The following GPC5 variants were observed in gnomAD, a reference collection of about 807,000 sequenced individuals.
The protein encoded by GPC5 is glypican 5.
In GPC5, 47 loss-of-function variants were observed where a neutral mutation model predicts 53.9. The ratio of observed to expected loss-of-function variants is 0.87; its 90% confidence interval spans 0.69 to 1.11. GPC5 has a LOEUF of 1.11. GPC5 is among the 50% of genes most tolerant of loss of function. GPC5 has a pLI of 0.00. For synonymous variants in GPC5, 286 were observed against 263.3 expected (o/e 1.09, Z -0.84); for missense variants, 748 against 713.1 (o/e 1.05, Z -0.56).
At chr13:91,621,124 A>T (rs1481664465) in intron 2 of GPC5, among the ~76,000 whole-genome samples, 1 of 152,126 alleles carries the variant, frequency 6.6e-6, no homozygotes, top group East Asian at 1.9e-4. Context: ...ATTATGTTTC[A>T]CTAGTTTACT....
intron 7 of GPC5, among the ~76,000 whole-genome samples, chr13:92,663,593 ATC>A (rs562075954): frequency 1.1e-4 from 9 of 85,398 alleles, no homozygotes; most frequent in African/African-American, 1.7e-4. Context: ...ATATATATAT[ATC>A]TACTATATAT....
chr13:92,167,001 C>T (rs1395598938), intron 7 of GPC5, among the ~76,000 whole-genome samples: 1 of 151,184 alleles, frequency 6.6e-6, no homozygotes, highest in Non-Finnish European at 1.5e-5. Flanking sequence ...CACACATATA[C>T]ACACGCCCTA....
Position 91,398,647 on chromosome 13 carries a change from G to A in GPC5, c.-400G>A, listed in dbSNP as rs931482422. The A allele has an allele frequency of 3.7e-5, 7 of 190,574 alleles. No individual in the cohort carries two copies. Among genetic ancestry groups the A allele is most frequent in the Non-Finnish European group, 7.1e-5 (7 of 98,848 alleles). The allele number at this position is 190,574 out of a possible 1,614,324, so 11.8% of individuals were successfully genotyped here. ...TCCCAGGTTAGCTGCTGCGAGCCGA[G>A]CCGGGCGGCGGAGGCGGCGGCGGCG... On this transcript the variant is annotated 5_prime_UTR_variant, in exon 1 of 8. Coordinates refer to ENST00000377067, the MANE Select transcript of GPC5 (RefSeq NM_004466.6).
chr13:91,936,035 C>T (rs1020578219), intron 6 of GPC5, among the ~76,000 whole-genome samples: 1 of 151,968 alleles, frequency 6.6e-6, no homozygotes, highest in African/African-American at 2.4e-5. Flanking sequence ...TCCCTGTTTC[C>T]CACTCCTATC....
At chr13:92,674,348 T>G (rs1886857612) in intron 7 of GPC5, among the ~76,000 whole-genome samples, 1 of 152,178 alleles carries the variant, frequency 6.6e-6, no homozygotes, top group Non-Finnish European at 1.5e-5. Context: ...CTCTGGTGTT[T>G]CAAGTGTGCT....
At chr13:91,801,482 T>C (rs1376231099) in intron 5 of GPC5, among the ~76,000 whole-genome samples, 1 of 152,190 alleles carries the variant, frequency 6.6e-6, no homozygotes, top group Non-Finnish European at 1.5e-5. Flanking sequence ...TGTTCCCCTG[T>C]GAAAAAATTT....
chr13:92,840,637 A>T (rs779337535), intron 7 of GPC5, among the ~76,000 whole-genome samples: 1 of 152,124 alleles, frequency 6.6e-6, no homozygotes, highest in Non-Finnish European at 1.5e-5. Flanking sequence ...TTTCTGTAAA[A>T]AAATGCCATC....
chr13:92,000,094 T>C (rs2040540982), intron 6 of GPC5, among the ~76,000 whole-genome samples: 1 of 152,160 alleles, frequency 6.6e-6, no homozygotes, highest in African/African-American at 2.4e-5. Context: ...ATAAAAATTG[T>C]AAAGGTAATA....
chr13:91,491,834 T>A (rs1883956435), intron 2 of GPC5, among the ~76,000 whole-genome samples: 1 of 152,192 alleles, frequency 6.6e-6, no homozygotes, highest in South Asian at 2.1e-4. Flanking sequence ...TCCAGGATGT[T>A]CTTATTTCAG....
chr13:92,612,910 A>C (rs1884487904), intron 7 of GPC5, among the ~76,000 whole-genome samples: 1 of 152,058 alleles, frequency 6.6e-6, no homozygotes, highest in Non-Finnish European at 1.5e-5. Flanking sequence ...AACAAATGAC[A>C]TTTATTTTTC....
At position 91,476,612 on chromosome 13, in the gene GPC5, A is replaced by T. The variant is rs530704746; in HGVS notation, c.325+27690A>T. Among the ~76,000 whole-genome samples the T allele has an allele frequency of 2.0e-5, 3 of 152,338 alleles. No homozygotes were observed. In the South Asian group the frequency reaches 6.2e-4, roughly 32 times the overall value. On this transcript the variant is annotated intron_variant, in intron 2 of 7. Transcript: ENST00000377067. ...TCAATAGTGATGCAGAAAAGGCAGT[A>T]ACAATTTGCAGACAATAAGGTCCGT...
At chr13:91,784,251 C>CT (rs1189120832) in intron 5 of GPC5, among the ~76,000 whole-genome samples, 1 of 151,956 alleles carries the variant, frequency 6.6e-6, no homozygotes, top group Non-Finnish European at 1.5e-5. Context: ...TTGAGATTGT[C>CT]TTTTTTTAAG....
intron 2 of GPC5, among the ~76,000 whole-genome samples, chr13:91,680,914 T>A (rs887400655): frequency 1.3e-5 from 2 of 152,174 alleles, no homozygotes; most frequent in African/African-American, 4.8e-5. Flanking sequence ...TCCAGTTCTG[T>A]TTTTTACAAA....
At chr13:92,018,202 T>C (rs1490696443) in intron 6 of GPC5, among the ~76,000 whole-genome samples, 1 of 152,180 alleles carries the variant, frequency 6.6e-6, no homozygotes, top group Non-Finnish European at 1.5e-5. Context: ...GCATTTATTT[T>C]TTACAATAAG....
intron 7 of GPC5, among the ~76,000 whole-genome samples, chr13:92,805,736 C>G (rs981192551): frequency 3.3e-5 from 5 of 151,970 alleles, no homozygotes; most frequent in Admixed American, 3.3e-4. Context: ...CTGTGCCCAT[C>G]CAGGATCTTT....
chr13:92,523,509 C>T (rs1285568065), intron 7 of GPC5, among the ~76,000 whole-genome samples: 1 of 152,020 alleles, frequency 6.6e-6, no homozygotes, highest in South Asian at 2.1e-4. Context: ...TTTGTAAATA[C>T]ATACACAGTT....
intron 7 of GPC5, among the ~76,000 whole-genome samples, chr13:92,650,113 C>T (rs1266680751): frequency 7.2e-5 from 11 of 152,058 alleles, no homozygotes. Context: ...ATTTTACTTA[C>T]ATCTGTTATT....
chr13:91,622,495 T>C (rs2033887893), intron 2 of GPC5, among the ~76,000 whole-genome samples: 1 of 148,234 alleles, frequency 6.7e-6, no homozygotes, highest in Non-Finnish European at 1.5e-5. Flanking sequence ...AGGATTTTGA[T>C]TTTTTTTCTC....
intron 7 of GPC5, among the ~76,000 whole-genome samples, chr13:92,648,977 A>G (rs1162648223): frequency 6.6e-6 from 1 of 152,114 alleles, no homozygotes; most frequent in Non-Finnish European, 1.5e-5. Context: ...ACCAGCTAGA[A>G]CCTTCAGTAT....
Sources: allele counts gnomAD v4.1 joint callset (sites outside exome capture counted in the v4.1 genomes callset), GRCh38; gene constraint gnomAD v4.1.1; transcripts MANE v1.5; gene names NCBI Gene and HGNC (gene_info 2026-07-23, HGNC 2026-07-21).